The following ARFIP1 variants were observed in gnomAD, a reference collection of about 807,000 sequenced individuals.
ARFIP1 encodes arfaptin-1.
ARFIP1 carries 24 observed loss-of-function variants against 42.5 expected under a neutral mutation model. The ratio of observed to expected loss-of-function variants is 0.57; its 90% CI spans 0.41 to 0.80. The LOEUF is 0.80. Ranked by LOEUF, ARFIP1 falls within the 30% of genes least tolerant of loss-of-function variation. The pLI is 0.00. For synonymous variants in ARFIP1, 141 were observed against 153.7 expected (o/e 0.92, Z 0.61); for missense variants, 354 against 434.0 (o/e 0.82, Z 1.64).
intron 2 of ARFIP1, among the ~76,000 whole-genome samples, chr4:152,855,960 G>T (rs1035712673): frequency 6.6e-6 from 1 of 152,114 alleles, no homozygotes; most frequent in Non-Finnish European, 1.5e-5. Context: ...GGATTCCAGT[G>T]GTCTCTCTTG....
chr4:152,804,115 C>CGTAATATATATTATATATAATATAAG (rs1561107972), intron 1 of ARFIP1, among the ~76,000 whole-genome samples: 8 of 44,694 alleles, frequency 1.8e-4, no homozygotes, highest in Admixed American at 3.5e-4. Context: ...TATAATATAA[C>CGTAATATATATTATATATAATATAAG]ATGTATTATA....
rs1007991178 is a variant in ARFIP1, at chr4:152,908,535, G to A, written c.967-1529G>A. On this transcript the variant is annotated intron_variant, in intron 8 of 8. Transcript: ENST00000353617. ...AGAGGCAGGGGAATCGCTTGAACCC[G>A]GGAGGCAGAGGTTGCAGTGAGCTGA... is the stretch of plus-strand genomic sequence containing the variant. 7.9e-5 allele frequency among the ~76,000 whole-genome samples: 12 copies of A among 152,052 alleles called. No homozygotes were observed. The East Asian group carries it at 9.7e-4, about 12-fold the overall frequency.
chr4:152,880,878 C>A, intron 5 of ARFIP1, 85 bp from the exon 6 acceptor site: 2 of 1,081,588 alleles, frequency 1.8e-6, no homozygotes, highest in Non-Finnish European at 2.7e-6. Context: ...TGTTTGAATC[C>A]AAAAAATGGT....
At chr4:152,805,550 C>T (rs1315157946) in intron 1 of ARFIP1, among the ~76,000 whole-genome samples, 1 of 152,150 alleles carries the variant, frequency 6.6e-6, no homozygotes, top group African/African-American at 2.4e-5. Context: ...ATTTTTGCCC[C>T]CTAGTGAGTT....
chr4:152,879,333 A>G (rs1372366942), intron 5 of ARFIP1, among the ~76,000 whole-genome samples: 2 of 152,218 alleles, frequency 1.3e-5, no homozygotes, highest in East Asian at 3.8e-4. Flanking sequence ...AGGATATTAT[A>G]TATAGCATAA....
chr4:152,785,549 C>T lies in ARFIP1; in HGVS notation c.-10+5323C>T, dbSNP rs564040199. ...AACTCCTGGGCTCAAGCGATCTTCCCGCCTTGGCCTCCCAAAGTGCTGGGA... is the reference window on the plus strand; with the variant it reads ...AACTCCTGGGCTCAAGCGATCTTCCTGCCTTGGCCTCCCAAAGTGCTGGGA... On this transcript the variant is annotated intron_variant, in intron 1 of 8. Transcript: ENST00000353617. 1.6e-3 allele frequency among the ~76,000 whole-genome samples: 243 copies of T among 152,324 alleles called. 2 individuals are homozygous for T. Among genetic ancestry groups the T allele is most frequent in the Non-Finnish European group, 2.8e-3 (190 of 68,024 alleles).
At chr4:152,839,357 A>G (rs1302617694) in intron 2 of ARFIP1, among the ~76,000 whole-genome samples, 1 of 152,150 alleles carries the variant, frequency 6.6e-6, no homozygotes, top group African/African-American at 2.4e-5. Flanking sequence ...AAGGATTGGT[A>G]CCAATTCTGT....
At chr4:152,807,325 T>C (rs1729068665) in intron 1 of ARFIP1, 1 of 152,200 alleles carries the variant, frequency 6.6e-6, no homozygotes, top group Non-Finnish European at 1.5e-5. Context: ...CAAGTATATA[T>C]TTACCTTTAC....
chr4:152,889,498 CATATATATATATAT>C (rs71595203), intron 8 of ARFIP1, among the ~76,000 whole-genome samples: 1,750 of 42,784 alleles, frequency 0.041, 79 homozygotes, highest in African/African-American at 0.11. Context: ...TCATTTTAGT[CATATATATATATAT>C]ATATATATAT....
intron 1 of ARFIP1, among the ~76,000 whole-genome samples, chr4:152,826,403 T>C (rs1312289089): frequency 6.6e-6 from 1 of 152,178 alleles, no homozygotes; most frequent in Non-Finnish European, 1.5e-5. Flanking sequence ...TTCTCACTTA[T>C]AAGTGGGGAC....
intron 2 of ARFIP1, among the ~76,000 whole-genome samples, chr4:152,856,118 C>T (rs1733409779): frequency 6.6e-6 from 1 of 152,212 alleles, no homozygotes. Context: ...AAAGGTATCT[C>T]TATAACTGCT....
chr4:152,832,525 A>T (rs971189133), intron 2 of ARFIP1, among the ~76,000 whole-genome samples: 1 of 152,016 alleles, frequency 6.6e-6, no homozygotes, highest in Non-Finnish European at 1.5e-5. Flanking sequence ...CTTCCAGTCT[A>T]TGTCTTGTTT....
intron 1 of ARFIP1, among the ~76,000 whole-genome samples, chr4:152,788,801 C>CTTTTTTTTTTTT (rs138189664): frequency 6.2e-5 from 7 of 113,414 alleles, no homozygotes; most frequent in Admixed American, 1.9e-4. Flanking sequence ...TCCCCAATGT[C>CTTTTTTTTTTTT]TTTTTTTTTT....
intron 2 of ARFIP1, among the ~76,000 whole-genome samples, chr4:152,855,289 G>A (rs1733335594): frequency 6.6e-6 from 1 of 152,144 alleles, no homozygotes; most frequent in Admixed American, 6.5e-5. Flanking sequence ...GCGGGGGGTG[G>A]GGAAGCCAGG....
chr4:152,879,348 A>G (rs1458360007), intron 5 of ARFIP1, among the ~76,000 whole-genome samples: 3 of 152,192 alleles, frequency 2.0e-5, no homozygotes, highest in African/African-American at 7.2e-5. Flanking sequence ...GCATAATCTC[A>G]TGTTTACTCT....
intron 2 of ARFIP1, among the ~76,000 whole-genome samples, chr4:152,846,003 T>C (rs1353252831): frequency 2.0e-5 from 3 of 152,266 alleles, no homozygotes; most frequent in African/African-American, 7.2e-5. Context: ...CATTAAATAC[T>C]GTGCAGCCAT....
chr4:152,807,203 GT>G (rs1404499731), intron 1 of ARFIP1: 2 of 127,352 alleles, frequency 1.6e-5, no homozygotes, highest in African/African-American at 5.8e-5. Flanking sequence ...TTTTTTTCTA[GT>G]TTTGGGTTCT....
intron 2 of ARFIP1, among the ~76,000 whole-genome samples, chr4:152,854,814 T>C (rs1457118076): frequency 1.3e-5 from 2 of 152,212 alleles, no homozygotes; most frequent in Non-Finnish European, 2.9e-5. Context: ...AGATGTCAGA[T>C]AGGTCACTCT....
intron 2 of ARFIP1, among the ~76,000 whole-genome samples, chr4:152,858,661 A>G (rs2149872923): frequency 6.6e-6 from 1 of 152,326 alleles, no homozygotes. Flanking sequence ...TATTTATTTG[A>G]TCCCCCTATA....
Sources: allele counts gnomAD v4.1 joint callset (sites outside exome capture counted in the v4.1 genomes callset), GRCh38; gene constraint gnomAD v4.1.1; transcripts MANE v1.5; gene names NCBI Gene and HGNC (gene_info 2026-07-23, HGNC 2026-07-21).